Variants in NFYB observed in about 807,000 individuals in gnomAD.
The protein encoded by NFYB is CAAT box DNA-binding protein subunit B.
Under a neutral mutation model 28.0 loss-of-function variants are expected in NFYB, and 13 were observed. That is an observed-to-expected ratio of 0.46 (90% confidence interval 0.30 to 0.74). NFYB has a LOEUF of 0.74. NFYB is among the 30% of genes least tolerant of loss of function. The probability of loss-of-function intolerance (pLI) is 0.07; values close to 1 mark genes in which losing one functional copy is unlikely to be tolerated. For missense variants in NFYB, 142 were observed against 247.6 expected, an observed-to-expected ratio of 0.57 and a Z score of 2.86; for synonymous variants, 74 against 75.0, an observed-to-expected ratio of 0.99 and a Z score of 0.07.
intron 4 of NFYB, 101 bp downstream of exon 4, chr12:104,126,013 G>A (rs1451541246): frequency 1.8e-5 from 22 of 1,227,550 alleles, no homozygotes; most frequent in Non-Finnish European, 2.4e-5. Context: ...CTGAAAGCCT[G>A]AATGATTGAA....
At chr12:104,122,716 AT>A (rs769278449) in intron 5 of NFYB, among the ~76,000 whole-genome samples, 2 of 152,186 alleles carry the variant, frequency 1.3e-5, no homozygotes, top group African/African-American at 2.4e-5. Flanking sequence ...GCGTGGAAAA[AT>A]TGCTTTCCAC....
chr12:104,120,305 T>A, intron 7 of NFYB, 95 bp downstream of exon 7: 1 of 962,824 alleles, frequency 1.0e-6, no homozygotes, highest in Non-Finnish European at 1.6e-6. Flanking sequence ...TCCACCCACC[T>A]CGGCCTCCCA....
At chr12:104,133,753 A>C (rs1023456837) in intron 2 of NFYB, among the ~76,000 whole-genome samples, 6 of 152,200 alleles carry the variant, frequency 3.9e-5, no homozygotes, top group Non-Finnish European at 8.8e-5. Context: ...TCTGAGGATA[A>C]GAAATAATAC....
chr12:104,125,783 G>C (rs2136656224), intron 4 of NFYB, among the ~76,000 whole-genome samples: 1 of 148,632 alleles, frequency 6.7e-6, no homozygotes, highest in South Asian at 2.2e-4. Context: ...GGGAGGCGGA[G>C]GTTGCAGTGA....
intron 1 of NFYB, among the ~76,000 whole-genome samples, chr12:104,136,739 A>G (rs2031114981): frequency 6.6e-6 from 1 of 152,236 alleles, no homozygotes; most frequent in African/African-American, 2.4e-5. Flanking sequence ...GACTCAGTAC[A>G]TTAAAGAAAA....
At chr12:104,121,218 C>T (rs1419247234) in intron 6 of NFYB, 22 bp downstream of exon 6, 3 of 1,575,710 alleles carry the variant, frequency 1.9e-6, no homozygotes, top group Non-Finnish European at 2.6e-6. Context: ...ATCTACATGA[C>T]TTGTATTATA....
chr12:104,131,601 G>A (rs184885130), intron 2 of NFYB: 21 of 368,722 alleles, frequency 5.7e-5, no homozygotes, highest in African/African-American at 8.5e-5. Context: ...CCAGCCATTC[G>A]CCTATATATA....
rs2030328575 is a variant in NFYB, at chr12:104,118,070, TG to T, written c.*1666del. The T allele has an allele frequency of 6.6e-6, 1 of 152,108 alleles. No homozygotes were observed. Among genetic ancestry groups the T allele is most frequent in the Admixed American group, 6.5e-5 (1 of 15,274 alleles). 9.4% of individuals were successfully genotyped at this position (152,108 alleles called of 1,614,324 possible). A position where few individuals can be genotyped will look rare whatever the true frequency, so the allele number is the denominator to read the frequency against. ...CAGCAGAATAATAAACCAATAAAAA[TG>T]ATGCAGAAGACTATGCATGACCTGG... On this transcript the variant is annotated 3_prime_UTR_variant, in exon 8 of 8. Coordinates refer to ENST00000240055, the MANE Select transcript of NFYB (RefSeq NM_006166.4).
In NFYB at chr12:104,135,511, G is replaced by A; in HGVS notation, c.-58C>T. On this transcript the variant is annotated 5_prime_UTR_variant, in exon 2 of 8. Coordinates refer to ENST00000240055, the MANE Select transcript of NFYB (RefSeq NM_006166.4). ...CTGAAGAACACCTATCTAAAAAGGT[G>A]TCTAATCTTTGTGATTTCAACCTAA... 3.3e-6 allele frequency: 5 copies of A among 1,492,794 alleles called. No individual in the cohort carries two copies. Among genetic ancestry groups the A allele is most frequent in the South Asian group, 1.3e-5 (1 of 74,822 alleles). 92.5% of individuals were successfully genotyped at this position (1,492,794 alleles called of 1,614,324 possible).
chr12:104,135,915 A>G (rs1474512994), intron 1 of NFYB, among the ~76,000 whole-genome samples: 1 of 152,186 alleles, frequency 6.6e-6, no homozygotes, highest in Non-Finnish European at 1.5e-5. Flanking sequence ...TTAACACTCA[A>G]GATGCAAACA....
intron 2 of NFYB, 69 bp from the exon 3 acceptor site, chr12:104,128,586 T>A (rs563960771): frequency 9.8e-7 from 1 of 1,017,388 alleles, no homozygotes; most frequent in African/African-American, 1.6e-5. Flanking sequence ...TCAACACTTA[T>A]AAACTGTCAC....
At chr12:104,120,911 A>T (rs915489766) in intron 6 of NFYB, among the ~76,000 whole-genome samples, 6 of 151,900 alleles carry the variant, frequency 3.9e-5, no homozygotes, top group Admixed American at 1.3e-4. Context: ...TACTCAATTT[A>T]AAAAAAACTG....
intron 2 of NFYB, among the ~76,000 whole-genome samples, chr12:104,129,134 G>A (rs1043836715): frequency 4.6e-5 from 7 of 152,036 alleles, no homozygotes; most frequent in African/African-American, 1.7e-4. Context: ...TAGTACCACA[G>A]GCAACCCTGA....
chr12:104,124,444 ACTGT>A (rs2030603872), intron 4 of NFYB, among the ~76,000 whole-genome samples: 1 of 152,200 alleles, frequency 6.6e-6, no homozygotes. Context: ...GCCGAAACAC[ACTGT>A]CTTTCACCGC....
At chr12:104,135,836 C>T (rs1010332072) in intron 1 of NFYB, among the ~76,000 whole-genome samples, 1 of 152,128 alleles carries the variant, frequency 6.6e-6, no homozygotes, top group Non-Finnish European at 1.5e-5. Context: ...CATTACAATA[C>T]ACCAAAAAGG....
intron 2 of NFYB, 75 bp downstream of exon 2, chr12:104,135,373 A>G (rs749187178): frequency 1.3e-5 from 18 of 1,359,596 alleles, no homozygotes; most frequent in Non-Finnish European, 1.7e-5. Flanking sequence ...CTCCAGTATA[A>G]ATTGGTTACA....
intron 2 of NFYB, among the ~76,000 whole-genome samples, chr12:104,129,262 A>C (rs2136663530): frequency 2.0e-5 from 3 of 152,232 alleles, no homozygotes; most frequent in Middle Eastern, 6.8e-3. Context: ...TGAGCTCAAG[A>C]GTTCCAGACC....
intron 7 of NFYB, 80 bp downstream of exon 7, chr12:104,120,320 G>A: frequency 8.4e-7 from 1 of 1,196,136 alleles, no homozygotes; most frequent in Non-Finnish European, 1.2e-6. Flanking sequence ...CTCCCAAGGT[G>A]CTGGGATTAC....
chr12:104,123,424 C>A lies in NFYB; in HGVS notation c.232-1G>T, dbSNP rs776123344. On this transcript the variant is annotated splice_acceptor_variant, in intron 4 of 7. Transcript: ENST00000240055. LOFTEE classifies it high-confidence loss of function. ...CACATTCTTTGGCATCTTTTGCAAT[C>A]TGAAGAGAAAATCATAGGTAAATTA... 1.9e-6 allele frequency: 3 copies of A among 1,613,230 alleles called. No individual in the cohort carries two copies. Among genetic ancestry groups the A allele is most frequent in the Non-Finnish European group, 2.5e-6 (3 of 1,179,706 alleles).
Sources: allele counts gnomAD v4.1 joint callset (sites outside exome capture counted in the v4.1 genomes callset), GRCh38; gene constraint gnomAD v4.1.1; transcripts MANE v1.5; gene names NCBI Gene and HGNC (gene_info 2026-07-23, HGNC 2026-07-21).